Variants in ZNF18 observed in about 807,000 individuals in gnomAD.
ZNF18 encodes zinc finger protein 18.
A neutral mutation model predicts 58.1 loss-of-function variants in ZNF18; 42 were observed. That is an observed-to-expected ratio of 0.72 (90% CI 0.56 to 0.93). The LOEUF (loss-of-function observed/expected upper bound fraction) is 0.93. ZNF18 is among the 40% of genes least tolerant of loss of function. The pLI, the probability that ZNF18 is intolerant of heterozygous loss-of-function variation, is 0.00. For missense variants in ZNF18, 540 were observed against 644.2 expected (o/e 0.84, Z 1.75); for synonymous variants, 231 against 239.8 (o/e 0.96, Z 0.34).
chr17:12,003,763 T>C, the ZNF18 span, among the ~76,000 whole-genome samples: 1 of 152,198 alleles, frequency 6.6e-6, no homozygotes, highest in Non-Finnish European at 1.5e-5. Flanking sequence ...GGCAGACCCC[T>C]TTGAGCTTTT....
chr17:11,992,757 C>T lies in ZNF18; in HGVS notation c.73G>A (p.Glu25Lys), dbSNP rs762731148. The change falls in exon 2 of 7, where the codon GAA becomes AAA. Residue 25 changes from glutamate to lysine, a missense_variant. By Grantham distance (56) the Glu-to-Lys change is moderately conservative (BLOSUM62 1). Coordinates refer to ENST00000580306, the MANE Select transcript of ZNF18 (RefSeq NM_001303281.2). ...LAKAEDSQFS[E>K]SDAALQEELS... ...TCCTCTTGAAGGGCAGCATCTGATT[C>T]TGAGAACTGGGAGTCCTCGGCCTTC... is the stretch of plus-strand genomic sequence containing the variant. 8.7e-6 allele frequency: 14 copies of T among 1,614,124 alleles called. No individual in the cohort carries two copies. Among genetic ancestry groups the T allele is most frequent in the Admixed American group, 1.7e-5 (1 of 60,014 alleles).
At chr17:12,004,909 A>G in the ZNF18 span, among the ~76,000 whole-genome samples, 2 of 151,048 alleles carry the variant, frequency 1.3e-5, no homozygotes, top group African/African-American at 2.4e-5. Flanking sequence ...AAAAAAAAGA[A>G]AAGAAATGTG....
chr17:11,990,740 T>A (rs530880284), intron 3 of ZNF18, among the ~76,000 whole-genome samples, 190 bp from the exon 4 acceptor site: 1 of 152,344 alleles, frequency 6.6e-6, no homozygotes, highest in African/African-American at 2.4e-5. Context: ...CTCACCCATA[T>A]GTTCTCCCAC....
the ZNF18 span, among the ~76,000 whole-genome samples, chr17:12,003,585 T>A: frequency 6.6e-6 from 1 of 152,122 alleles, no homozygotes; most frequent in East Asian, 1.9e-4. Context: ...GGTGGATAAA[T>A]CCTGATGCAT....
chr17:11,991,343 C>A (rs938388128), intron 2 of ZNF18, among the ~76,000 whole-genome samples, 180 bp from the exon 3 acceptor site: 2 of 152,152 alleles, frequency 1.3e-5, no homozygotes, highest in African/African-American at 2.4e-5. Context: ...CAAAAGACAC[C>A]AAAAGCTGAG....
the ZNF18 span, among the ~76,000 whole-genome samples, chr17:12,005,962 C>G: frequency 4.6e-5 from 2 of 43,344 alleles, no homozygotes; most frequent in East Asian, 9.9e-4. Context: ...TGTTCTAGAT[C>G]TGGGAGCTTC....
intron 2 of ZNF18, among the ~76,000 whole-genome samples, chr17:11,991,512 G>A (rs1418995655): frequency 2.0e-5 from 3 of 152,198 alleles, no homozygotes; most frequent in African/African-American, 7.2e-5. Context: ...ATCCTCAATA[G>A]CTAAAGAGTG....
chr17:12,018,598 G>A, the ZNF18 span, among the ~76,000 whole-genome samples: 1 of 152,160 alleles, frequency 6.6e-6, no homozygotes, highest in Non-Finnish European at 1.5e-5. Context: ...ATGTAAATTT[G>A]GTGAGGGAGC....
chr17:12,011,260 A>G, the ZNF18 span: 1 of 385,192 alleles, frequency 2.6e-6, no homozygotes, highest in Non-Finnish European at 4.7e-6. Flanking sequence ...GTTCCCCTGA[A>G]TCATATTTTG....
Position 11,990,310 on chromosome 17 carries a change from T to G in ZNF18, c.666+152A>C, listed in dbSNP as rs1968024014. 14 of 572,388 alleles carry G rather than the reference T, an allele frequency of 2.4e-5. No homozygotes were observed. In the South Asian group the frequency reaches 3.4e-4, roughly 14 times the overall value. 35.5% of individuals were successfully genotyped at this position (572,388 alleles called of 1,614,324 possible). On this transcript the variant is annotated intron_variant, in intron 4 of 6. Coordinates refer to ENST00000580306, the MANE Select transcript of ZNF18 (RefSeq NM_001303281.2). Reference sequence around the variant, plus strand: ...GAGTACATTTGGCATGATTCTATTTTTACAAAACTCTAGAAAAAGTAAACT... The same window carrying G: ...GAGTACATTTGGCATGATTCTATTTGTACAAAACTCTAGAAAAAGTAAACT...
intron 1 of ZNF18, among the ~76,000 whole-genome samples, chr17:11,996,084 T>C (rs773815552): frequency 1.3e-5 from 2 of 152,060 alleles, no homozygotes; most frequent in Non-Finnish European, 2.9e-5. Context: ...AAAATCCCAA[T>C]TTATGGAAAT....
At chr17:12,002,054 G>C (rs1229593340), upstream of ZNF18, among the ~76,000 whole-genome samples, 1 of 152,092 alleles carries the variant, frequency 6.6e-6, no homozygotes, top group African/African-American at 2.4e-5. Flanking sequence ...AGGTGGGAGG[G>C]AGAAAACAAA....
At position 11,983,395 on chromosome 17, in the gene ZNF18, T is replaced by C; in HGVS notation, c.764A>G (p.His255Arg). 6.2e-7 allele frequency: 1 copy of C among 1,613,688 alleles called. No homozygotes were observed. Among genetic ancestry groups the C allele is most frequent in the Non-Finnish European group, 8.5e-7 (1 of 1,179,652 alleles). Residue 255 changes from histidine (H) to arginine (R), a missense_variant, in exon 6 of 7, where the codon CAT becomes CGT. By Grantham distance (29) the His-to-Arg change is conservative. Coordinates refer to ENST00000580306, the MANE Select transcript of ZNF18 (RefSeq NM_001303281.2). ...TGAATTAGTCAGGTCAGATTTGGGA[T>C]GGGAAATGCCTGCTATAGAGAGAAA... Reference protein sequence around the residue: ...GKMVSGAGISHPKSDLTNSIE... With the variant: ...GKMVSGAGISRPKSDLTNSIE...
At chr17:11,998,469 T>C (rs1040100665), upstream of ZNF18, 2 of 151,596 alleles carry the variant, frequency 1.3e-5, no homozygotes, top group Non-Finnish European at 2.9e-5. Context: ...AGAGCTGTCA[T>C]TATCATAACA....
At position 11,990,978 on chromosome 17, in the gene ZNF18, TTCTGCTTC is replaced by T; in HGVS notation, c.565_572del (p.Glu189ThrfsTer68). On this transcript the variant is annotated frameshift_variant, in exon 3 of 7. Coordinates refer to ENST00000580306, the MANE Select transcript of ZNF18 (RefSeq NM_001303281.2). LOFTEE classifies it high-confidence loss of function. ...ACCACACAGCACCATCCTCACCTAG[TTCTGCTTC>T]TGTGTCAGATTCCTCTTTCACGATG... 1 of 1,613,544 alleles carries T rather than the reference TTCTGCTTC, an allele frequency of 6.2e-7. No individual in the cohort carries two copies. The highest frequency in any genetic ancestry group is 1.7e-5 in the Admixed American group (1 of 59,986).
In ZNF18 at chr17:11,978,396, G is replaced by T. The variant is rs1967123003; in HGVS notation, c.1211C>A (p.Ala404Asp). 6.5e-7 allele frequency: 1 copy of T among 1,547,142 alleles called. No individual in the cohort carries two copies. Among genetic ancestry groups the T allele is most frequent in the Non-Finnish European group, 8.7e-7 (1 of 1,151,336 alleles). ...CTCCCTGCAGGTGGGGAGCTTCTGGGCCATGGGGGCTCTTGGCTGCCCCTT... is the reference window on the plus strand; with the variant it reads ...CTCCCTGCAGGTGGGGAGCTTCTGGTCCATGGGGGCTCTTGGCTGCCCCTT... Reference protein sequence around the residue: ...SQKGQPRAPMAQKLPTCRECG... With the variant: ...SQKGQPRAPMDQKLPTCRECG... The change falls in exon 7 of 7, where the codon GCC (alanine) becomes GAC (aspartate). Residue 404 changes from alanine (A) to aspartate (D), a missense_variant. Transcript: ENST00000580306.
At chr17:12,013,692 T>G in the ZNF18 span, among the ~76,000 whole-genome samples, 1 of 152,250 alleles carries the variant, frequency 6.6e-6, no homozygotes, top group African/African-American at 2.4e-5. Flanking sequence ...TTGTTGGGTA[T>G]TCTTTATTTT....
intron 1 of ZNF18, among the ~76,000 whole-genome samples, chr17:11,993,279 A>G (rs1466822783): frequency 1.3e-5 from 2 of 152,186 alleles, no homozygotes; most frequent in Non-Finnish European, 2.9e-5. Flanking sequence ...ACTAAAAAAT[A>G]AAGCTGGAAA....
the ZNF18 span, among the ~76,000 whole-genome samples, chr17:12,017,557 T>C: frequency 1.3e-5 from 2 of 152,174 alleles, no homozygotes; most frequent in African/African-American, 4.8e-5. Flanking sequence ...AAATTACTTT[T>C]TCTTTATTTG....
Sources: allele counts gnomAD v4.1 joint callset (sites outside exome capture counted in the v4.1 genomes callset), GRCh38; gene constraint gnomAD v4.1.1; transcripts MANE v1.5; gene names NCBI Gene and HGNC (gene_info 2026-07-23, HGNC 2026-07-21).